ADCYAP1R1: variants seen among roughly 807,000 people sequenced by gnomAD.
ADCYAP1R1 encodes the protein pituitary adenylate cyclase-activating polypeptide type I receptor.
A neutral mutation model predicts 67.6 loss-of-function variants in ADCYAP1R1; 44 were observed. That is an observed-to-expected ratio of 0.65 (90% CI 0.51 to 0.84). The LOEUF is 0.84. Ranked by LOEUF, ADCYAP1R1 falls within the 40% of genes least tolerant of loss-of-function variation. ADCYAP1R1 has a pLI of 0.00. For missense variants in ADCYAP1R1, 477 were observed against 587.9 expected, an observed-to-expected ratio of 0.81 and a Z score of 1.95; for synonymous variants, 222 against 219.6, an observed-to-expected ratio of 1.01 and a Z score of -0.10.
chr7:31,091,433 A>C (rs1342465004), intron 12 of ADCYAP1R1, among the ~76,000 whole-genome samples: 1 of 152,080 alleles, frequency 6.6e-6, no homozygotes, highest in African/African-American at 2.4e-5. Flanking sequence ...CCCACTTGTC[A>C]ATTTTTGATT....
intron 3 of ADCYAP1R1, among the ~76,000 whole-genome samples, chr7:31,065,952 A>G (rs1177170751): frequency 1.3e-5 from 2 of 152,196 alleles, no homozygotes; most frequent in African/African-American, 2.4e-5. Context: ...GTTGCTTCTC[A>G]GTGAGCATTA....
At chr7:31,091,651 A>G (rs1453346785) in intron 12 of ADCYAP1R1, among the ~76,000 whole-genome samples, 1 of 152,138 alleles carries the variant, frequency 6.6e-6, no homozygotes, top group Non-Finnish European at 1.5e-5. Context: ...CAATCCCAGC[A>G]TCATTTACTG....
In ADCYAP1R1 at chr7:31,064,935, A is replaced by C; in HGVS notation, c.156A>C (p.Pro52=). 1.2e-6 allele frequency: 2 copies of C among 1,605,044 alleles called. No homozygotes were observed. Among genetic ancestry groups the C allele is most frequent in the Non-Finnish European group, 1.7e-6 (2 of 1,174,844 alleles). The change falls in exon 3 of 16, where the codon CCA becomes CCC. Residue 52 remains proline, a splice_region_variant and synonymous_variant. Transcript: ENST00000304166. ...TGATGGGCTTCAATGATTCCTCTCC[A>C]GGTGAGCGGGGCGGCAGGGAGCATG... ...NELMGFNDSS[P]GCPGMWDNIT...
chr7:31,077,120 G>T (rs1175572230), intron 3 of ADCYAP1R1, among the ~76,000 whole-genome samples: 1 of 152,192 alleles, frequency 6.6e-6, no homozygotes, highest in Non-Finnish European at 1.5e-5. Flanking sequence ...CCGGTGCAGG[G>T]CTGAGCCCTC....
rs922844265 is a variant in ADCYAP1R1, at chr7:31,109,026, C to G, written c.*2342C>G. On this transcript the variant is annotated 3_prime_UTR_variant, in exon 16 of 16. Coordinates refer to ENST00000304166, the MANE Select transcript of ADCYAP1R1 (RefSeq NM_001118.5). ...CCCCTGGGGATGGACCCCATTCATTCATCATGACTCCCAACAGTTTTCATT... is the reference window on the plus strand; with the variant it reads ...CCCCTGGGGATGGACCCCATTCATTGATCATGACTCCCAACAGTTTTCATT... 1.3e-5 allele frequency: 2 copies of G among 152,218 alleles called. No individual in the cohort carries two copies. The highest frequency in any genetic ancestry group is 2.9e-5 in the Non-Finnish European group (2 of 68,050). The allele number at this position is 152,218 out of a possible 1,614,324, so 9.4% of individuals were successfully genotyped here. A position where few individuals can be genotyped will look rare whatever the true frequency, so the allele number is the denominator to read the frequency against.
Position 31,107,161 on chromosome 7 carries a change from C to G in ADCYAP1R1, c.*477C>G, listed in dbSNP as rs114730220. 1,650 of 154,290 alleles carry G rather than the reference C, an allele frequency of 0.011. 27 individuals carry two copies. Among genetic ancestry groups the G allele is most frequent in the African/African-American group, 0.037 (1,557 of 41,630 alleles). The allele number at this position is 154,290 out of a possible 1,614,324, so 9.6% of individuals were successfully genotyped here. The stretch of plus-strand genomic sequence containing the variant: ...GTGACCCCTCGAGTGTGCATGCCAC[C>G]CTGGGGCTCTTCTCAGTCCTGGGCC... On this transcript the variant is annotated 3_prime_UTR_variant, in exon 16 of 16. Transcript: ENST00000304166.
In ADCYAP1R1 at chr7:31,081,928, C is replaced by G. The variant is rs376994942; in HGVS notation, c.328+174C>G. On this transcript the variant is annotated intron_variant, in intron 6 of 15. Coordinates refer to ENST00000304166, the MANE Select transcript of ADCYAP1R1 (RefSeq NM_001118.5). ...TACAGATTATCTTCATGGAAAAGCA[C>G]ACAGATAGAACATCGTGTGTAGAAT... Among the ~76,000 whole-genome samples, 5 of 152,302 alleles carry G rather than the reference C, an allele frequency of 3.3e-5. No homozygotes were observed. In the East Asian group the frequency reaches 9.6e-4, roughly 29 times the overall value.
In ADCYAP1R1 at chr7:31,086,261, T is replaced by G; in HGVS notation, c.670-123T>G. The G allele has an allele frequency of 9.8e-7, 1 of 1,024,606 alleles. No individual in the cohort carries two copies. Among genetic ancestry groups the G allele is most frequent in the Non-Finnish European group, 1.4e-6 (1 of 715,022 alleles). The allele number at this position is 1,024,606 out of a possible 1,614,324, so 63.5% of individuals were successfully genotyped here. On this transcript the variant is annotated intron_variant, in intron 9 of 15. Transcript: ENST00000304166. This position sits in a 1 kb window ranked among gnomAD's most constrained non-coding sequence, Gnocchi z 5.0. The stretch of plus-strand genomic sequence containing the variant: ...TTTCAACTCTTTGATCCAGGAATAT[T>G]GACTCTCTTAGATCCTTGGGATGTT...
At chr7:31,082,679 CAG>C (rs1357988018) in intron 6 of ADCYAP1R1, among the ~76,000 whole-genome samples, 1 of 152,172 alleles carries the variant, frequency 6.6e-6, no homozygotes, top group Admixed American at 6.5e-5. Flanking sequence ...TTGCCTGAGA[CAG>C]ATTTGCTGGA....
Position 31,106,529 on chromosome 7 carries a change from T to A in ADCYAP1R1, c.1252T>A (p.Trp418Arg). ...QAEIKRKWRS[W>R]KVNRYFAVDF... ...GGAGATCAAGCGAAAATGGCGAAGC[T>A]GGAAGGTGAACCGTTACTTCGCTGT... The change falls in exon 16 of 16, where the codon TGG becomes AGG. Residue 418 changes from tryptophan (W) to arginine (R), a missense_variant. By Grantham distance (101) the Trp-to-Arg change is moderately radical. Transcript: ENST00000304166. The A allele has an allele frequency of 6.2e-7, 1 of 1,613,208 alleles. No homozygotes were observed. The highest frequency in any genetic ancestry group is 1.1e-5 in the South Asian group (1 of 90,880).
chr7:31,079,797 C>G (rs1279559899), intron 4 of ADCYAP1R1, among the ~76,000 whole-genome samples: 1 of 152,182 alleles, frequency 6.6e-6, no homozygotes, highest in Non-Finnish European at 1.5e-5. Context: ...TTGAACTCTC[C>G]CATCTGAGGG....
Position 31,109,270 on chromosome 7 carries a change from G to A in ADCYAP1R1, c.*2586G>A, listed in dbSNP as rs1012798360. 4 of 152,216 alleles carry A rather than the reference G, an allele frequency of 2.6e-5. No homozygotes were observed. Among genetic ancestry groups the A allele is most frequent in the African/African-American group, 9.7e-5 (4 of 41,438 alleles). 9.4% of individuals were successfully genotyped at this position (152,216 alleles called of 1,614,324 possible). A position where few individuals can be genotyped will look rare whatever the true frequency, so the allele number is the denominator to read the frequency against. On this transcript the variant is annotated 3_prime_UTR_variant, in exon 16 of 16. Coordinates refer to ENST00000304166, the MANE Select transcript of ADCYAP1R1 (RefSeq NM_001118.5). ...TGATGTATTCTCAATGTTCCAAGAG[G>A]TTCTGGCCTTCAGGGTCACAGGCAG...
chr7:31,063,635 C>T (rs542675948), intron 2 of ADCYAP1R1, among the ~76,000 whole-genome samples: 4 of 152,338 alleles, frequency 2.6e-5, no homozygotes, highest in African/African-American at 7.2e-5. Context: ...TCAATTTTCT[C>T]GTCACCAGCC....
chr7:31,075,106 G>A (rs1315542183), intron 3 of ADCYAP1R1, among the ~76,000 whole-genome samples: 1 of 152,088 alleles, frequency 6.6e-6, no homozygotes, highest in Non-Finnish European at 1.5e-5. Context: ...ACCTTCCCAG[G>A]GGTCCTCTGG....
intron 3 of ADCYAP1R1, among the ~76,000 whole-genome samples, chr7:31,065,205 G>A (rs1026979778): frequency 6.6e-6 from 1 of 152,182 alleles, no homozygotes; most frequent in African/African-American, 2.4e-5. Context: ...TAGCACTGGT[G>A]CCTGAGCTGG....
chr7:31,101,186 G>T (rs1214715849), intron 13 of ADCYAP1R1, among the ~76,000 whole-genome samples: 1 of 152,184 alleles, frequency 6.6e-6, no homozygotes, highest in Non-Finnish European at 1.5e-5. Context: ...GGGGCTGCTG[G>T]GGAGGGAAGG....
chr7:31,054,572 A>C (rs1794163896), intron 1 of ADCYAP1R1, among the ~76,000 whole-genome samples: 1 of 152,224 alleles, frequency 6.6e-6, no homozygotes, highest in African/African-American at 2.4e-5. Context: ...CTGAGAGGCT[A>C]GGAAAGCTAA....
At chr7:31,062,144 T>A (rs193285953) in intron 1 of ADCYAP1R1, among the ~76,000 whole-genome samples, 63 of 152,332 alleles carry the variant, frequency 4.1e-4, no homozygotes, top group African/African-American at 1.4e-3. Context: ...ATTGCAAATA[T>A]TTATCAGATG....
In ADCYAP1R1 at chr7:31,085,373, G is replaced by C. The variant is rs759827399; in HGVS notation, c.600G>C (p.Ala200=). ...MNLFVSFMLR[A]ISVFIKDWIL... is the part of the protein sequence containing the mutation. ...TGTTTGTGTCGTTCATGCTGAGGGC[G>C]ATCTCCGTCTTCATCAAAGACTGGA... The change falls in exon 9 of 16, where the codon GCG becomes GCC. Residue 200 remains alanine (A), a synonymous_variant. Coordinates refer to ENST00000304166, the MANE Select transcript of ADCYAP1R1 (RefSeq NM_001118.5). 25 of 1,613,950 alleles carry C rather than the reference G, an allele frequency of 1.5e-5. No homozygotes were observed. Among genetic ancestry groups the C allele is most frequent in the Middle Eastern group, 3.3e-4 (2 of 6,056 alleles).
Sources: gnomAD v4.1 joint callset for allele counts (sites outside exome capture counted in the v4.1 genomes callset) on GRCh38, gnomAD v4.1.1 for gene constraint, Gnocchi (gnomAD v3.1) non-coding constraint, MANE v1.5 for transcripts, NCBI Gene and HGNC (gene_info 2026-07-23, HGNC 2026-07-21) for gene names.